Variants in MCC observed in about 807,000 individuals in gnomAD.
MCC encodes MCC regulator of Wnt signaling pathway, also known as colorectal mutant cancer protein.
MCC carries 90 observed loss-of-function variants against 116.2 expected under a neutral mutation model. The ratio of observed to expected loss-of-function variants is 0.77; its 90% CI spans 0.65 to 0.92. The LOEUF (loss-of-function observed/expected upper bound fraction) is 0.92, where lower values mean the gene tolerates loss of function less well. MCC is among the 40% of genes least tolerant of loss of function. MCC has a pLI of 0.00. For missense variants in MCC, 1,516 were observed against 1,312.2 expected, an observed-to-expected ratio of 1.16 and a Z score of -2.40; for synonymous variants, 578 against 510.5, an observed-to-expected ratio of 1.13 and a Z score of -1.78.
chr5:113,135,662 G>C (rs1420583422), intron 5 of MCC, among the ~76,000 whole-genome samples: 1 of 151,848 alleles, frequency 6.6e-6, no homozygotes. Context: ...TTCACTGTTG[G>C]CATATATAAA....
At position 113,104,380 on chromosome 5, in the gene MCC, C is replaced by T. The variant is rs746857183; in HGVS notation, c.1028-25G>A. On this transcript the variant is annotated intron_variant, in intron 6 of 18. Transcript: ENST00000408903. ...TCTGTGAGTGAATGAAGACAAAATG[C>T]GTTACACAGGGCAACAAATGCTGTC... 34 of 1,580,210 alleles carry T rather than the reference C, an allele frequency of 2.2e-5. No homozygotes were observed. In the African/African-American group the frequency reaches 2.8e-4, roughly 13 times the overall value.
rs1198097664 is a variant in MCC, at chr5:113,429,109, T to C, written c.171-43897A>G. On this transcript the variant is annotated intron_variant, in intron 1 of 18. Transcript: ENST00000408903. ...ATATACTCTTTTTGAGGGGGAGTGT[T>C]GTATAGTGAATTGTGTTCCCCTTCC... Among the ~76,000 whole-genome samples, 3 of 152,264 alleles carry C rather than the reference T, an allele frequency of 2.0e-5. No homozygotes were observed. In the South Asian group the frequency reaches 6.2e-4, roughly 32 times the overall value.
At chr5:113,213,325 A>G (rs1367515679) in intron 3 of MCC, among the ~76,000 whole-genome samples, 4 of 152,230 alleles carry the variant, frequency 2.6e-5, no homozygotes, top group Non-Finnish European at 5.9e-5. Flanking sequence ...ATTAAGCAGA[A>G]TGTGAACACT....
intron 8 of MCC, among the ~76,000 whole-genome samples, chr5:113,087,236 A>G (rs1231763791): frequency 6.6e-6 from 1 of 152,218 alleles, no homozygotes; most frequent in Non-Finnish European, 1.5e-5. Flanking sequence ...TCAACATATT[A>G]GAAGCTAAAA....
At chr5:113,270,608 A>C (rs1268226839) in intron 3 of MCC, among the ~76,000 whole-genome samples, 1 of 149,494 alleles carries the variant, frequency 6.7e-6, no homozygotes, top group Non-Finnish European at 1.5e-5. Context: ...TATCCCACAC[A>C]ATGGGACACA....
chr5:113,314,674 G>C (rs1429537722), intron 3 of MCC, among the ~76,000 whole-genome samples: 1 of 152,082 alleles, frequency 6.6e-6, no homozygotes, highest in Non-Finnish European at 1.5e-5. Context: ...TGCAACCTCT[G>C]CCTCCTGGGT....
At chr5:113,132,356 ATATG>A (rs1758481902) in intron 5 of MCC, among the ~76,000 whole-genome samples, 2 of 141,664 alleles carry the variant, frequency 1.4e-5, no homozygotes, top group African/African-American at 5.3e-5. Context: ...AGAAAAGTGC[ATATG>A]TGTGTGTGTG....
At position 113,068,469 on chromosome 5, in the gene MCC, T is replaced by C. The variant is rs375633428; in HGVS notation, c.1926-286A>G. The stretch of plus-strand genomic sequence containing the variant: ...CTTCAGTGACCACCTGAAAGGACCA[T>C]GTGATTCCCTTGTGGTAGGCCACTC... On this transcript the variant is annotated intron_variant, in intron 12 of 18. Coordinates refer to ENST00000408903, the MANE Select transcript of MCC (RefSeq NM_001085377.2). Among the ~76,000 whole-genome samples, 68 of 152,338 alleles carry C rather than the reference T, an allele frequency of 4.5e-4. 1 individual carries two copies. The highest frequency in any genetic ancestry group is 1.6e-3 in the African/African-American group (65 of 41,582).
At chr5:113,392,850 C>A (rs1769433421) in intron 1 of MCC, among the ~76,000 whole-genome samples, 1 of 151,984 alleles carries the variant, frequency 6.6e-6, no homozygotes, top group Admixed American at 6.6e-5. Context: ...GTCCAGATGC[C>A]TATCAACAGA....
chr5:113,341,311 C>T (rs2150379071), intron 2 of MCC, among the ~76,000 whole-genome samples: 1 of 151,896 alleles, frequency 6.6e-6, no homozygotes, highest in South Asian at 2.1e-4. Context: ...CTCATTGTAG[C>T]CTCAACCTCC....
chr5:113,273,377 A>G (rs187156822), intron 3 of MCC, among the ~76,000 whole-genome samples: 1 of 152,196 alleles, frequency 6.6e-6, no homozygotes, highest in African/African-American at 2.4e-5. Flanking sequence ...AGATCTTAGG[A>G]AAGTTGATAT....
intron 3 of MCC, among the ~76,000 whole-genome samples, chr5:113,228,687 T>A (rs907620164): frequency 1.3e-5 from 2 of 152,134 alleles, no homozygotes; most frequent in Admixed American, 6.5e-5. Context: ...AGGAATAACA[T>A]GAATTGACTT....
chr5:113,359,951 T>C (rs1169116895), intron 2 of MCC, among the ~76,000 whole-genome samples: 2 of 152,210 alleles, frequency 1.3e-5, no homozygotes, highest in African/African-American at 4.8e-5. Flanking sequence ...AATTTATCTT[T>C]CTCTTACAAG....
chr5:113,390,288 G>A (rs1009647639), intron 1 of MCC, among the ~76,000 whole-genome samples: 1 of 152,048 alleles, frequency 6.6e-6, no homozygotes, highest in African/African-American at 2.4e-5. Context: ...TGTTACAAAT[G>A]CTTTAAAAGG....
At chr5:113,322,032 T>G (rs529936750) in intron 3 of MCC, among the ~76,000 whole-genome samples, 163 of 152,270 alleles carry the variant, frequency 1.1e-3, no homozygotes, top group African/African-American at 3.7e-3. Flanking sequence ...GAGTTTCACC[T>G]TATTGGTCAG....
At chr5:113,216,547 G>C (rs1047855419) in intron 3 of MCC, among the ~76,000 whole-genome samples, 1 of 152,182 alleles carries the variant, frequency 6.6e-6, no homozygotes, top group African/African-American at 2.4e-5. Flanking sequence ...ATTCAGCACA[G>C]TGACAGGCAC....
intron 3 of MCC, among the ~76,000 whole-genome samples, chr5:113,275,383 A>T (rs1765783849): frequency 6.6e-6 from 1 of 152,234 alleles, no homozygotes; most frequent in South Asian, 2.1e-4. Flanking sequence ...GGAACTTCTC[A>T]GTAATAATTT....
At chr5:113,123,962 T>C (rs2150271495) in intron 5 of MCC, among the ~76,000 whole-genome samples, 1 of 152,248 alleles carries the variant, frequency 6.6e-6, no homozygotes, top group East Asian at 1.9e-4. Context: ...GTGGCGATCA[T>C]TAGGGTTTAG....
At chr5:113,475,634 G>A (rs542065730) in intron 1 of MCC, among the ~76,000 whole-genome samples, 6 of 152,222 alleles carry the variant, frequency 3.9e-5, no homozygotes, top group African/African-American at 1.4e-4. Flanking sequence ...GAATTAAAGA[G>A]ATTTTTCAAT....
Sources: allele counts gnomAD v4.1 joint callset (sites outside exome capture counted in the v4.1 genomes callset), GRCh38; gene constraint gnomAD v4.1.1; transcripts MANE v1.5; gene names NCBI Gene and HGNC (gene_info 2026-07-23, HGNC 2026-07-21).